KIAA0825: variants seen among roughly 807,000 people sequenced by gnomAD.
KIAA0825 encodes the protein KIAA0825.
KIAA0825 carries 119 observed loss-of-function variants against 147.6 expected under a neutral mutation model. The observed-to-expected ratio is 0.81, with a 90% CI of 0.69 to 0.94. The LOEUF (loss-of-function observed/expected upper bound fraction) is 0.94. KIAA0825 is among the 40% of genes least tolerant of loss of function. KIAA0825 has a pLI of 0.00. For synonymous variants in KIAA0825, 470 were observed against 518.1 expected (o/e 0.91, Z 1.26); for missense variants, 1,381 against 1,472.7 (o/e 0.94, Z 1.02).
In KIAA0825 at chr5:94,152,452, C is replaced by A. The variant is rs1446425534; in HGVS notation, c.*1555G>T. Among the ~76,000 whole-genome samples the A allele has an allele frequency of 2.0e-5, 3 of 151,962 alleles. No homozygotes were observed. The highest frequency in any genetic ancestry group is 6.6e-5 in the Admixed American group (1 of 15,260). On this transcript the variant is annotated 3_prime_UTR_variant, in exon 21 of 21. Transcript: ENST00000682413. Reference sequence around the variant, plus strand: ...CCTATAGTTCCAGGGCTTTGAGAGACAGAGAGGGGAAGATCACTTGAGGTA... The same window carrying A: ...CCTATAGTTCCAGGGCTTTGAGAGAAAGAGAGGGGAAGATCACTTGAGGTA...
intron 20 of KIAA0825, among the ~76,000 whole-genome samples, chr5:94,252,758 C>A (rs1174005439): frequency 6.6e-6 from 1 of 151,924 alleles, no homozygotes; most frequent in Admixed American, 6.6e-5. Context: ...TGCAACTATT[C>A]TAAGGAAAGA....
chr5:94,599,716 G>C lies in KIAA0825; in HGVS notation c.-152-17133C>G, dbSNP rs566281938. 5.9e-5 allele frequency among the ~76,000 whole-genome samples: 9 copies of C among 152,224 alleles called. No homozygotes were observed. In the East Asian group the frequency reaches 1.7e-3, roughly 29 times the overall value. On this transcript the variant is annotated intron_variant, in intron 1 of 20. Transcript: ENST00000682413. ...TCAAAGATTATCCACAAAGTGAAAA[G>C]ACAACCTATGGAATAGGAGAAAATA...
chr5:94,585,931 T>C (rs982605042), intron 1 of KIAA0825, among the ~76,000 whole-genome samples: 1 of 152,192 alleles, frequency 6.6e-6, no homozygotes, highest in Non-Finnish European at 1.5e-5. Flanking sequence ...AACCTGCTCC[T>C]GAGTGATTAC....
intron 20 of KIAA0825, among the ~76,000 whole-genome samples, chr5:94,227,635 A>G (rs1205188497): frequency 6.6e-6 from 1 of 151,998 alleles, no homozygotes; most frequent in East Asian, 1.9e-4. Flanking sequence ...ATGGGATACT[A>G]CGCAGCCATA....
intron 5 of KIAA0825, among the ~76,000 whole-genome samples, chr5:94,514,948 C>T (rs1038782947): frequency 6.6e-6 from 1 of 152,202 alleles, no homozygotes; most frequent in Non-Finnish European, 1.5e-5. Flanking sequence ...CTTTCATCCA[C>T]TGCAGATTTT....
chr5:94,245,571 G>C (rs574818061), intron 20 of KIAA0825, among the ~76,000 whole-genome samples: 1 of 152,036 alleles, frequency 6.6e-6, no homozygotes, highest in South Asian at 2.1e-4. Context: ...AATTGACCAA[G>C]TTCTAGGCCA....
intron 5 of KIAA0825, among the ~76,000 whole-genome samples, chr5:94,513,561 C>T (rs888966663): frequency 6.6e-6 from 1 of 152,066 alleles, no homozygotes; most frequent in Non-Finnish European, 1.5e-5. Flanking sequence ...TTCTCTTTTA[C>T]CCAATATACT....
intron 1 of KIAA0825, chr5:94,617,761 T>C (rs1703377647): frequency 6.6e-6 from 1 of 152,242 alleles, no homozygotes. Context: ...TATCCCTTTG[T>C]CGGAAGCAAT....
At chr5:94,296,164 T>G (rs1584034119) in intron 20 of KIAA0825, among the ~76,000 whole-genome samples, 1 of 152,126 alleles carries the variant, frequency 6.6e-6, no homozygotes, top group South Asian at 2.1e-4. Context: ...GCTGCGGGGG[T>G]TCCACCCAGT....
intron 2 of KIAA0825, among the ~76,000 whole-genome samples, chr5:94,547,266 GAGAA>G (rs1240115743): frequency 2.6e-5 from 4 of 152,164 alleles, no homozygotes; most frequent in South Asian, 4.1e-4. Flanking sequence ...GCCTTAAAGA[GAGAA>G]AGAAAGGGGC....
intron 20 of KIAA0825, among the ~76,000 whole-genome samples, chr5:94,218,676 G>C (rs188006105): frequency 6.6e-6 from 1 of 152,244 alleles, no homozygotes; most frequent in African/African-American, 2.4e-5. Context: ...GATTAAATTG[G>C]AGTGCCTTGT....
At chr5:94,241,640 G>A (rs1237344212) in intron 20 of KIAA0825, among the ~76,000 whole-genome samples, 1 of 152,106 alleles carries the variant, frequency 6.6e-6, no homozygotes, top group African/African-American at 2.4e-5. Flanking sequence ...AGAATTTTAA[G>A]CATTTAAAAA....
intron 5 of KIAA0825, among the ~76,000 whole-genome samples, chr5:94,516,695 G>A (rs1208250774): frequency 3.3e-5 from 2 of 61,124 alleles, no homozygotes; most frequent in Non-Finnish European, 6.5e-5. Flanking sequence ...GGAGGCTGAG[G>A]CAGGAGAATG....
chr5:94,212,452 TC>T (rs1486095176), intron 20 of KIAA0825, among the ~76,000 whole-genome samples: 1 of 152,190 alleles, frequency 6.6e-6, no homozygotes, highest in Admixed American at 6.6e-5. Context: ...CTGAGATTTT[TC>T]CCTTGCTTTT....
At chr5:94,465,716 T>A (rs1200845144) in intron 10 of KIAA0825, among the ~76,000 whole-genome samples, 2 of 152,238 alleles carry the variant, frequency 1.3e-5, no homozygotes, top group African/African-American at 2.4e-5. Flanking sequence ...CATTTCTTAG[T>A]ATTTTTATGA....
intron 1 of KIAA0825, among the ~76,000 whole-genome samples, chr5:94,588,661 C>T (rs1204592173): frequency 6.6e-6 from 1 of 152,064 alleles, no homozygotes; most frequent in Non-Finnish European, 1.5e-5. Flanking sequence ...CTAGAAATAC[C>T]ATTTTACCCA....
At chr5:94,473,929 A>G (rs1389847121) in intron 7 of KIAA0825, among the ~76,000 whole-genome samples, 6 of 152,214 alleles carry the variant, frequency 3.9e-5, no homozygotes, top group Non-Finnish European at 7.4e-5. Flanking sequence ...GTTTATTGTT[A>G]ACAAGTATTG....
intron 20 of KIAA0825, among the ~76,000 whole-genome samples, chr5:94,215,387 G>C (rs1773103253): frequency 1.3e-5 from 2 of 152,180 alleles, no homozygotes; most frequent in South Asian, 2.1e-4. Context: ...AAGGCCAATG[G>C]GTGGGAATGG....
At position 94,408,791 on chromosome 5, in the gene KIAA0825, G is replaced by A. The variant is rs531799795; in HGVS notation, c.2663-4998C>T. ...TTAATGTATAGAAGAAGAGAAGAAC[G>A]TACACTATGAAAATACCTTAAAACT... On this transcript the variant is annotated intron_variant, in intron 15 of 20. Transcript: ENST00000682413. Among the ~76,000 whole-genome samples the A allele has an allele frequency of 2.0e-5, 3 of 152,094 alleles. No individual in the cohort carries two copies. In the South Asian group the frequency reaches 6.2e-4, roughly 32 times the overall value.
Sources: gnomAD v4.1 joint callset for allele counts (sites outside exome capture counted in the v4.1 genomes callset) on GRCh38, gnomAD v4.1.1 for gene constraint, MANE v1.5 for transcripts, NCBI Gene and HGNC (gene_info 2026-07-23, HGNC 2026-07-21) for gene names.